TNIP3: variants seen among roughly 807,000 people sequenced by gnomAD.
The protein encoded by TNIP3 is TNFAIP3-interacting protein 3.
Under a neutral mutation model 54.1 loss-of-function variants are expected in TNIP3, and 34 were observed. The ratio of observed to expected loss-of-function variants is 0.63; its 90% confidence interval spans 0.48 to 0.84. The LOEUF (loss-of-function observed/expected upper bound fraction) is 0.84, where lower values mean the gene tolerates loss of function less well. Among genes scored for constraint, TNIP3 ranks in the 40% least tolerant of loss-of-function variants. TNIP3 has a pLI of 0.00. For missense variants in TNIP3, 366 were observed against 387.6 expected (o/e 0.94, Z 0.47); for synonymous variants, 134 against 136.8 (o/e 0.98, Z 0.14).
intron 1 of TNIP3, among the ~76,000 whole-genome samples, chr4:121,222,976 T>C (rs1380216459): frequency 6.6e-6 from 1 of 152,168 alleles, no homozygotes; most frequent in East Asian, 1.9e-4. Flanking sequence ...CGCCTAATTT[T>C]TAGTATTTTT....
chr4:121,158,804 AGTTTGGTC>A, intron 2 of TNIP3, 52 bp from the exon 3 acceptor site: 1 of 1,445,094 alleles, frequency 6.9e-7, no homozygotes, highest in Admixed American at 2.0e-5. Context: ...CCCATTTGGA[AGTTTGGTC>A]AAAAAGAAAT....
intron 7 of TNIP3, among the ~76,000 whole-genome samples, chr4:121,143,391 C>T (rs904748303): frequency 6.6e-6 from 1 of 152,214 alleles, no homozygotes; most frequent in East Asian, 1.9e-4. Flanking sequence ...TTTTCCTTGA[C>T]TGTTCATTCA....
intron 2 of TNIP3, among the ~76,000 whole-genome samples, chr4:121,200,049 G>A (rs1287140147): frequency 6.6e-6 from 1 of 152,118 alleles, no homozygotes; most frequent in Non-Finnish European, 1.5e-5. Flanking sequence ...CAGAGGCAGA[G>A]CCCTTACCTG....
chr4:121,185,486 C>T (rs1724965090), intron 2 of TNIP3, among the ~76,000 whole-genome samples: 1 of 151,818 alleles, frequency 6.6e-6, no homozygotes, highest in African/African-American at 2.4e-5. Context: ...TTTTCTCCTC[C>T]CTTGCCCCAT....
chr4:121,150,646 G>C (rs1267517094), intron 5 of TNIP3, among the ~76,000 whole-genome samples: 1 of 152,190 alleles, frequency 6.6e-6, no homozygotes, highest in Non-Finnish European at 1.5e-5. Context: ...TGAATCAGTA[G>C]GCTGGAGGGT....
chr4:121,161,144 T>C lies in TNIP3; in HGVS notation c.139A>G (p.Arg47Gly), dbSNP rs769000682. Residue 47 changes from arginine (R) to glycine (G), a missense_variant, in exon 2 of 11, where the codon AGA becomes GGA. By Grantham distance (125) the Arg-to-Gly change is moderately radical (BLOSUM62 -2). Coordinates refer to ENST00000057513, the MANE Select transcript of TNIP3 (RefSeq NM_024873.6). ...EQKIRCLEKQ[R>G]KELLEVNQQW... ...GAATATTTCTAAGTTACCTCTTTTC[T>C]TTGTTTTTCCAAACACCTTATCTTT... 5 of 1,582,824 alleles carry C rather than the reference T, an allele frequency of 3.2e-6. No individual in the cohort carries two copies. The highest frequency in any genetic ancestry group is 4.3e-6 in the Non-Finnish European group (5 of 1,160,496).
At chr4:121,217,674 T>C (rs1726857792), upstream of TNIP3, among the ~76,000 whole-genome samples, 1 of 152,210 alleles carries the variant, frequency 6.6e-6, no homozygotes, top group Admixed American at 6.5e-5. Context: ...TGCAAATATG[T>C]TGAAGAGGAA....
intron 6 of TNIP3, among the ~76,000 whole-genome samples, chr4:121,148,284 G>A (rs763422021): frequency 7.2e-5 from 11 of 152,182 alleles, no homozygotes; most frequent in East Asian, 1.9e-4. Flanking sequence ...GATTAGAAAC[G>A]TGCACAGTTA....
chr4:121,143,022 T>C (rs557529347), intron 7 of TNIP3, among the ~76,000 whole-genome samples: 1 of 152,348 alleles, frequency 6.6e-6, no homozygotes, highest in South Asian at 2.1e-4. Flanking sequence ...GTAGATCTAT[T>C]TAGATACAGA....
intron 10 of TNIP3, chr4:121,137,768 C>T (rs1728874386): frequency 3.1e-6 from 1 of 325,100 alleles, no homozygotes; most frequent in South Asian, 2.6e-5. Flanking sequence ...TCAAGAATGG[C>T]CTGAAATTAG....
chr4:121,186,534 T>G lies in TNIP3; in HGVS notation c.69-3738A>C, dbSNP rs925001441. Among the ~76,000 whole-genome samples the G allele has an allele frequency of 2.6e-5, 4 of 152,314 alleles. No individual in the cohort carries two copies. In the East Asian group the frequency reaches 7.7e-4, roughly 29 times the overall value. On this transcript the variant is annotated intron_variant, in intron 2 of 12. Transcript: ENST00000507879. ...AGTTGAACATAACAGTGGGACCTAG[T>G]GTAAGTCCTTTAGCTTCTATGAACC...
intron 9 of TNIP3, among the ~76,000 whole-genome samples, chr4:121,139,289 T>G (rs957031905): frequency 4.6e-5 from 7 of 152,346 alleles, no homozygotes; most frequent in Middle Eastern, 3.4e-3. Flanking sequence ...CTTGGGATTT[T>G]CTCCTAGGTT....
chr4:121,182,650 TA>T, intron 3 of TNIP3: 1 of 1,533,286 alleles, frequency 6.5e-7, no homozygotes, highest in Non-Finnish European at 8.7e-7. Flanking sequence ...TACATCGAGA[TA>T]AGGAGAAAAA....
chr4:121,157,893 C>T (rs183281371), intron 3 of TNIP3, among the ~76,000 whole-genome samples: 65 of 152,310 alleles, frequency 4.3e-4, no homozygotes, highest in African/African-American at 1.4e-3. Context: ...TTTACAGATC[C>T]GGATTGCCCC....
intron 2 of TNIP3, among the ~76,000 whole-genome samples, chr4:121,214,504 C>T (rs913021818): frequency 3.9e-5 from 6 of 152,158 alleles, no homozygotes; most frequent in African/African-American, 9.7e-5. Context: ...TCAGAATTCT[C>T]CATGTAGAAG....
intron 7 of TNIP3, among the ~76,000 whole-genome samples, chr4:121,145,221 A>T (rs1024353845): frequency 6.6e-6 from 1 of 152,216 alleles, no homozygotes; most frequent in Non-Finnish European, 1.5e-5. Context: ...TGCTGTTAAC[A>T]CATTTAACAC....
At chr4:121,142,686 C>T (rs779281918) in intron 8 of TNIP3, 40 bp downstream of exon 8, 1 of 1,548,962 alleles carries the variant, frequency 6.5e-7, no homozygotes, top group Non-Finnish European at 8.9e-7. Flanking sequence ...AAATGCTGTA[C>T]ATGGGAATAA....
chr4:121,148,669 G>C (rs1234104404), intron 6 of TNIP3, among the ~76,000 whole-genome samples: 1 of 152,150 alleles, frequency 6.6e-6, no homozygotes, highest in Admixed American at 6.5e-5. Context: ...GATTATTCAA[G>C]TAAAATTGAC....
At chr4:121,163,865 G>T (rs975079627) in intron 1 of TNIP3, among the ~76,000 whole-genome samples, 195 bp downstream of exon 1, 3 of 152,090 alleles carry the variant, frequency 2.0e-5, no homozygotes, top group Non-Finnish European at 4.4e-5. Context: ...TAAGCCCCGT[G>T]GGTTAAAAGC....
Sources: gnomAD v4.1 joint callset for allele counts (sites outside exome capture counted in the v4.1 genomes callset) on GRCh38, gnomAD v4.1.1 for gene constraint, MANE v1.5 for transcripts, NCBI Gene and HGNC (gene_info 2026-07-23, HGNC 2026-07-21) for gene names.